The following KLK2 variants were observed in gnomAD, a reference collection of about 807,000 sequenced individuals.
The protein encoded by KLK2 is kallikrein related peptidase 2.
Under a neutral mutation model 23.0 loss-of-function variants are expected in KLK2, and 17 were observed. The observed-to-expected ratio is 0.74, with a 90% CI of 0.51 to 1.11. The LOEUF (loss-of-function observed/expected upper bound fraction) is 1.11. Among genes scored for constraint, KLK2 ranks in the 50% least tolerant of loss-of-function variants. The probability of loss-of-function intolerance (pLI) is 0.00; values close to 1 mark genes in which losing one functional copy is unlikely to be tolerated. For synonymous variants in KLK2, 140 were observed against 124.7 expected, an observed-to-expected ratio of 1.12 and a Z score of -0.82; for missense variants, 330 against 325.9, an observed-to-expected ratio of 1.01 and a Z score of -0.10.
chr19:50,877,039 G>T, intron 4 of KLK2, 31 bp downstream of exon 4: 1 of 1,613,940 alleles, frequency 6.2e-7, no homozygotes, highest in Non-Finnish European at 8.5e-7. Flanking sequence ...ACATCTGGAG[G>T]GGAAAGGTGA....
At chr19:50,878,013 C>T (rs2090306790) in intron 4 of KLK2, among the ~76,000 whole-genome samples, 1 of 152,140 alleles carries the variant, frequency 6.6e-6, no homozygotes, top group African/African-American at 2.4e-5. Context: ...CCCTCCATGG[C>T]TCCCCAATGC....
rs2090317614 is a variant in KLK2, at chr19:50,879,015, G to A, written c.*456G>A. On this transcript the variant is annotated 3_prime_UTR_variant, in exon 5 of 5. Coordinates refer to ENST00000325321, the MANE Select transcript of KLK2 (RefSeq NM_005551.5). ...GCACACACACAGCAAGGATGACGCT[G>A]TAAACATAGCCCACGCTGTCCTGGG... 4.2e-6 allele frequency: 1 copy of A among 235,896 alleles called. No homozygotes were observed. Among genetic ancestry groups the A allele is most frequent in the African/African-American group, 2.2e-5 (1 of 45,524 alleles). 14.6% of individuals were successfully genotyped at this position (235,896 alleles called of 1,614,324 possible).
Position 50,876,576 on chromosome 19 carries a change from G to A in KLK2, c.311G>A (p.Ser104Asn), listed in dbSNP as rs764309655. The A allele has an allele frequency of 4.6e-5, 74 of 1,614,002 alleles. 1 individual carries two copies. Among genetic ancestry groups the A allele is most frequent in the Admixed American group, 3.8e-4 (23 of 60,000 alleles). ...HSFPHPLYNM[S>N]LLKHQSLRPD... Reference sequence around the variant, plus strand: ...TTCCCACACCCGCTCTACAATATGAGCCTTCTGAAGCATCAAAGCCTTAGA... The same window carrying A: ...TTCCCACACCCGCTCTACAATATGAACCTTCTGAAGCATCAAAGCCTTAGA... Residue 104 changes from serine to asparagine, a missense_variant, in exon 3 of 5, where the codon AGC becomes AAC. Physicochemically the swap from Ser to Asn is conservative, Grantham distance 46. Transcript: ENST00000325321.
At chr19:50,876,408 C>A in intron 2 of KLK2, 64 bp from the exon 3 acceptor site, 1 of 1,467,130 alleles carries the variant, frequency 6.8e-7, no homozygotes, top group Non-Finnish European at 9.5e-7. Context: ...CCCTTATCCT[C>A]CCCTGCCCCA....
intron 1 of KLK2, 99 bp from the exon 2 acceptor site, chr19:50,874,621 TG>T: frequency 1.0e-6 from 1 of 964,178 alleles, no homozygotes; most frequent in Non-Finnish European, 1.6e-6. Context: ...CTCCCAGTCC[TG>T]GTCCTCTGCC....
Position 50,879,490 on chromosome 19 carries a change from T to C in KLK2, c.*931T>C, listed in dbSNP as rs1568505191. ...GGATGGGGGGCATATCTGACAGTTA[T>C]TCTCTCCAAGTGGAGACTTACGGAC... On this transcript the variant is annotated 3_prime_UTR_variant, in exon 5 of 5. Transcript: ENST00000325321. The C allele has an allele frequency of 4.3e-6, 1 of 231,524 alleles. No homozygotes were observed. Among genetic ancestry groups the C allele is most frequent in the Non-Finnish European group, 8.5e-6 (1 of 117,120 alleles). 14.3% of individuals were successfully genotyped at this position (231,524 alleles called of 1,614,324 possible). A position where few individuals can be genotyped will look rare whatever the true frequency, so the allele number is the denominator to read the frequency against.
Position 50,873,543 on chromosome 19 carries a change from G to A in KLK2, c.46+24G>A, listed in dbSNP as rs1403583175. On this transcript the variant is annotated intron_variant, in intron 1 of 4. Coordinates refer to ENST00000325321, the MANE Select transcript of KLK2 (RefSeq NM_005551.5). ...TGGTGAGATTGGGGGGATAAAGGAAGGGGGGCGGGTTCTGACTCTTATGCT... is the reference window on the plus strand; with the variant it reads ...TGGTGAGATTGGGGGGATAAAGGAAAGGGGGCGGGTTCTGACTCTTATGCT... 4.9e-6 allele frequency: 6 copies of A among 1,224,902 alleles called. No homozygotes were observed. In the South Asian group the frequency reaches 6.2e-5, roughly 13 times the overall value. 75.9% of individuals were successfully genotyped at this position (1,224,902 alleles called of 1,614,324 possible).
At chr19:50,878,326 C>T (rs999005003) in intron 4 of KLK2, 78 bp from the exon 5 acceptor site, 58 of 1,390,850 alleles carry the variant, frequency 4.2e-5, no homozygotes, top group Admixed American at 1.5e-4. Context: ...TCTGCCTGCG[C>T]GGTTCTGAGA....
chr19:50,877,108 C>A (rs34964828), intron 4 of KLK2, 100 bp downstream of exon 4: 254,028 of 1,521,324 alleles, frequency 0.17, 23,189 homozygotes, highest in Middle Eastern at 0.23. Flanking sequence ...GCCTCCCCTG[C>A]TCCCCAGCTA....
rs537703803 is a variant in KLK2 at position 50,875,225 on chromosome 19, C to T, written c.206+345C>T. On this transcript the variant is annotated intron_variant, in intron 2 of 4. Transcript: ENST00000325321. ...GTCTCTCTGTGGCCATCTCTGTCAC[C>T]GTGTGTCTCACCCTGCATCTCTTTG... 4.6e-5 allele frequency among the ~76,000 whole-genome samples: 7 copies of T among 152,224 alleles called. No individual in the cohort carries two copies. In the East Asian group the frequency reaches 1.2e-3, roughly 25 times the overall value.
At chr19:50,877,911 G>T (rs530372114) in intron 4 of KLK2, among the ~76,000 whole-genome samples, 15 of 152,214 alleles carry the variant, frequency 9.9e-5, no homozygotes, top group African/African-American at 3.6e-4. Flanking sequence ...ACAGTCTCCT[G>T]GCCCTCAGTC....
In KLK2 at chr19:50,879,671, A is replaced by G. The variant is rs1392061525; in HGVS notation, c.*1112A>G. On this transcript the variant is annotated 3_prime_UTR_variant, in exon 5 of 5. Coordinates refer to ENST00000325321, the MANE Select transcript of KLK2 (RefSeq NM_005551.5). ...AATTGACCTGAAGTCCTCAGACCTG[A>G]GGTTCCCTAGAGTTCAAACAGATAC... 6.5e-5 allele frequency: 15 copies of G among 230,302 alleles called. No individual in the cohort carries two copies. The highest frequency in any genetic ancestry group is 8.6e-6 in the Non-Finnish European group (1 of 116,270). The allele number at this position is 230,302 out of a possible 1,614,324, so 14.3% of individuals were successfully genotyped here. A position where few individuals can be genotyped will look rare whatever the true frequency, so the allele number is the denominator to read the frequency against.
In KLK2 at chr19:50,878,748, C is replaced by T. The variant is rs2090315045; in HGVS notation, c.*189C>T. On this transcript the variant is annotated 3_prime_UTR_variant, in exon 5 of 5. Coordinates refer to ENST00000325321, the MANE Select transcript of KLK2 (RefSeq NM_005551.5). ...GCTGCTAGGAAAAGGAATGGGCAGA[C>T]ACAGGTGTATGCCAATGTTTCTGAA... 1.8e-6 allele frequency: 1 copy of T among 541,126 alleles called. No homozygotes were observed. The highest frequency in any genetic ancestry group is 1.9e-5 in the African/African-American group (1 of 53,048). 33.5% of individuals were successfully genotyped at this position (541,126 alleles called of 1,614,324 possible). A position where few individuals can be genotyped will look rare whatever the true frequency, so the allele number is the denominator to read the frequency against.
In KLK2 at chr19:50,877,909, C is replaced by T. The variant is rs568477289; in HGVS notation, c.631-495C>T. Among the ~76,000 whole-genome samples the T allele has an allele frequency of 1.9e-3, 292 of 152,240 alleles. No individual in the cohort carries two copies. The Middle Eastern group carries it at 0.02, about 11-fold the overall frequency. ...CTCACCCAGCCTCCCTCACAGTCTCCTGGCCCTCAGTCTCTCCCCTCCACT... is the reference window on the plus strand; with the variant it reads ...CTCACCCAGCCTCCCTCACAGTCTCTTGGCCCTCAGTCTCTCCCCTCCACT... On this transcript the variant is annotated intron_variant, in intron 4 of 4. Transcript: ENST00000325321.
intron 2 of KLK2, 170 bp from the exon 3 acceptor site, chr19:50,876,302 T>G (rs1852645742): frequency 1.6e-6 from 1 of 618,922 alleles, no homozygotes; most frequent in South Asian, 2.0e-5. Context: ...ATGATCACAC[T>G]CCTGTTTTCT....
chr19:50,876,723 A>G lies in KLK2; in HGVS notation c.458A>G (p.Tyr153Cys), dbSNP rs1047590428. 8.7e-6 allele frequency: 14 copies of G among 1,614,176 alleles called. No individual in the cohort carries two copies. The highest frequency in any genetic ancestry group is 3.3e-5 in the Admixed American group (2 of 60,028). The change falls in exon 3 of 5, where the codon TAC becomes TGC. Residue 153 changes from tyrosine to cysteine, a missense_variant. Coordinates refer to ENST00000325321, the MANE Select transcript of KLK2 (RefSeq NM_005551.5). ...TQEPALGTTC[Y>C]ASGWGSIEPE... ...GAGCCAGCACTGGGGACCACCTGCT[A>G]CGCCTCAGGCTGGGGCAGCATCGAA... is the stretch of plus-strand genomic sequence containing the variant.
chr19:50,878,444 A>G lies in KLK2; in HGVS notation c.671A>G (p.Gln224Arg). The change falls in exon 5 of 5, where the codon CAA becomes CGA. Residue 224 changes from glutamine to arginine, a missense_variant. Transcript: ENST00000325321. ...GGPLVCNGVL[Q>R]GITSWGPEPC... ...CCACTTGTCTGTAATGGTGTGCTTC[A>G]AGGTATCACATCATGGGGCCCTGAG... is the stretch of plus-strand genomic sequence containing the variant. 1 of 1,614,002 alleles carries G rather than the reference A, an allele frequency of 6.2e-7. No homozygotes were observed. Among genetic ancestry groups the G allele is most frequent in the Non-Finnish European group, 8.5e-7 (1 of 1,179,896 alleles).
In KLK2 at chr19:50,874,783, C is replaced by T. The variant is rs2090265248; in HGVS notation, c.109C>T (p.Pro37Ser). ...CTGGGAGTGTGAGAAGCATTCCCAA[C>T]CCTGGCAGGTGGCTGTGTACAGTCA... The part of the protein sequence containing the change: ...GGWECEKHSQ[P>S]WQVAVYSHGW... The change falls in exon 2 of 5, where the codon CCC becomes TCC. Residue 37 changes from proline (P) to serine (S), a missense_variant. Pro to Ser is a moderately conservative substitution (Grantham distance 74). Transcript: ENST00000325321. 6.2e-7 allele frequency: 1 copy of T among 1,613,570 alleles called. No individual in the cohort carries two copies. Among genetic ancestry groups the T allele is most frequent in the Non-Finnish European group, 8.5e-7 (1 of 1,179,906 alleles).
intron 1 of KLK2, chr19:50,874,445 C>G (rs1237944611): frequency 9.9e-6 from 3 of 304,272 alleles, no homozygotes; most frequent in African/African-American, 4.3e-5. Context: ...AACCCCCAAC[C>G]CGATGCCTGC....
Sources: gnomAD v4.1 joint callset for allele counts (sites outside exome capture counted in the v4.1 genomes callset) on GRCh38, gnomAD v4.1.1 for gene constraint, MANE v1.5 for transcripts, NCBI Gene and HGNC (gene_info 2026-07-23, HGNC 2026-07-21) for gene names.